Variants in WWOX observed in about 807,000 individuals in gnomAD.
WWOX encodes WW domain-containing oxidoreductase.
In WWOX, 69 loss-of-function variants were observed where a neutral mutation model predicts 46.2. The ratio of observed to expected loss-of-function variants is 1.49; its 90% CI spans 1.23 to 1.82. The LOEUF is 1.82. Ranked by LOEUF, WWOX falls within the 40% of genes most tolerant of loss-of-function variation. The probability of loss-of-function intolerance (pLI) is 0.00; values close to 1 mark genes in which losing one functional copy is unlikely to be tolerated. For synonymous variants in WWOX, 359 were observed against 202.6 expected (o/e 1.77, Z -6.56); for missense variants, 919 against 542.6 (o/e 1.69, Z -6.89).
At position 78,532,198 on chromosome 16, in the gene WWOX, T is replaced by A. The variant is rs116352031; in HGVS notation, c.1056+99446T>A. On this transcript the variant is annotated intron_variant, in intron 8 of 8. Coordinates refer to ENST00000566780, the MANE Select transcript of WWOX (RefSeq NM_016373.4). ...TTTCTGTTATAAAATCATGTTTTTA[T>A]TGAATTACATTTTAATATTGGTATC... Among the ~76,000 whole-genome samples the A allele has an allele frequency of 1.9e-3, 291 of 152,272 alleles. 2 individuals are homozygous for A. Among genetic ancestry groups the A allele is most frequent in the African/African-American group, 6.4e-3 (265 of 41,558 alleles).
chr16:78,419,194 T>C (rs888870954), intron 6 of WWOX, among the ~76,000 whole-genome samples: 5 of 152,194 alleles, frequency 3.3e-5, no homozygotes, highest in Non-Finnish European at 5.9e-5. Flanking sequence ...AGATTTAATA[T>C]TGTATAGCTG....
chr16:79,125,581 A>G (rs549675410), intron 8 of WWOX, among the ~76,000 whole-genome samples: 1 of 151,784 alleles, frequency 6.6e-6, no homozygotes, highest in South Asian at 2.1e-4. Context: ...CCGTGTGGCA[A>G]ATGTAGCTGG....
At chr16:79,138,625 C>A (rs1010571731) in intron 8 of WWOX, among the ~76,000 whole-genome samples, 2 of 152,148 alleles carry the variant, frequency 1.3e-5, no homozygotes, top group Non-Finnish European at 2.9e-5. Context: ...AGGGATGCAC[C>A]TTTTTAACCC....
chr16:79,065,422 G>A (rs1360871380), intron 8 of WWOX, among the ~76,000 whole-genome samples: 2 of 152,182 alleles, frequency 1.3e-5, no homozygotes, highest in African/African-American at 4.8e-5. Flanking sequence ...TGATTGGTTG[G>A]GGATGAAATC....
intron 8 of WWOX, among the ~76,000 whole-genome samples, chr16:79,052,280 A>G (rs1270808261): frequency 1.3e-5 from 2 of 151,598 alleles, no homozygotes; most frequent in African/African-American, 2.4e-5. Flanking sequence ...ATGAGTGAGA[A>G]TATGCGTTGT....
chr16:78,665,689 C>T (rs1168800285), intron 8 of WWOX, among the ~76,000 whole-genome samples: 2 of 152,020 alleles, frequency 1.3e-5, no homozygotes, highest in African/African-American at 2.4e-5. Flanking sequence ...ATTAATTGTG[C>T]TTCTCTGATG....
chr16:78,939,121 C>A (rs1038146242), intron 8 of WWOX, among the ~76,000 whole-genome samples: 4 of 152,158 alleles, frequency 2.6e-5, no homozygotes, highest in African/African-American at 9.7e-5. Context: ...GATTTTCTGC[C>A]CATTGACTTG....
intron 8 of WWOX, among the ~76,000 whole-genome samples, chr16:78,543,921 A>T (rs1310364283): frequency 6.6e-6 from 1 of 152,132 alleles, no homozygotes; most frequent in Admixed American, 6.5e-5. Context: ...CTAACATCTC[A>T]ACAGCCTGCC....
intron 8 of WWOX, among the ~76,000 whole-genome samples, chr16:78,642,168 A>G (rs141067130): frequency 9.1e-4 from 139 of 152,324 alleles, no homozygotes; most frequent in Non-Finnish European, 1.6e-3. Flanking sequence ...ATATACTTGA[A>G]TTGGAATCCC....
intron 8 of WWOX, among the ~76,000 whole-genome samples, chr16:78,613,959 C>G (rs889000573): frequency 3.9e-5 from 6 of 152,172 alleles, no homozygotes; most frequent in Non-Finnish European, 5.9e-5. Context: ...TTACGTACTG[C>G]GATGGCTGCT....
At chr16:78,897,240 T>TAAAAAAAAAAAA (rs60048933) in intron 8 of WWOX, 1 of 53,722 alleles carries the variant, frequency 1.9e-5, no homozygotes, top group African/African-American at 8.7e-5. Flanking sequence ...AGACTGTCTT[T>TAAAAAAAAAAAA]AAAAAAAAAA....
intron 5 of WWOX, among the ~76,000 whole-genome samples, chr16:78,214,654 C>T (rs1280692745): frequency 6.6e-6 from 1 of 152,148 alleles, no homozygotes; most frequent in Non-Finnish European, 1.5e-5. Flanking sequence ...GTTGCTAAGC[C>T]TGCTAAAAGC....
rs193181137 is a variant in WWOX at position 79,071,408 on chromosome 16, G to A, written c.1057-140200G>A. Among the ~76,000 whole-genome samples, 424 of 152,284 alleles carry A rather than the reference G, an allele frequency of 2.8e-3. 5 individuals are homozygous for A. Among genetic ancestry groups the A allele is most frequent in the Admixed American group, 0.017 (259 of 15,302 alleles). ...GTGTGAAATACAGAAGGGGTTGTGC[G>A]TTTCTTCCCCCCTCATCTCTTAGAG... On this transcript the variant is annotated intron_variant, in intron 8 of 8. Transcript: ENST00000566780.
chr16:78,334,651 G>T (rs980000096), intron 5 of WWOX, among the ~76,000 whole-genome samples: 1 of 151,884 alleles, frequency 6.6e-6, no homozygotes, highest in Non-Finnish European at 1.5e-5. Flanking sequence ...ATAAATCCAA[G>T]AATTAATTTA....
intron 8 of WWOX, among the ~76,000 whole-genome samples, chr16:79,060,655 T>A (rs1461190523): frequency 6.6e-6 from 1 of 152,234 alleles, no homozygotes; most frequent in African/African-American, 2.4e-5. Context: ...CTAGTCTCAT[T>A]TTGTAAACCC....
intron 8 of WWOX, among the ~76,000 whole-genome samples, chr16:78,780,043 T>C (rs2050285606): frequency 6.6e-6 from 1 of 152,182 alleles, no homozygotes; most frequent in Admixed American, 6.5e-5. Context: ...AGAAGCCATA[T>C]GGATACTTTT....
At chr16:78,882,951 G>A (rs911831741) in intron 8 of WWOX, among the ~76,000 whole-genome samples, 15 of 152,150 alleles carry the variant, frequency 9.9e-5, no homozygotes, top group African/African-American at 3.6e-4. Flanking sequence ...CGATGTCGTA[G>A]GCTGAGGGAG....
chr16:78,177,023 A>G (rs560274066), intron 5 of WWOX, among the ~76,000 whole-genome samples: 3 of 152,336 alleles, frequency 2.0e-5, no homozygotes, highest in South Asian at 4.1e-4. Context: ...GCCCCACCCC[A>G]GACCTACTAG....
At chr16:78,933,956 C>T (rs1009790963) in intron 8 of WWOX, among the ~76,000 whole-genome samples, 1 of 152,032 alleles carries the variant, frequency 6.6e-6, no homozygotes, top group African/African-American at 2.4e-5. Flanking sequence ...CTTTGGGAGG[C>T]CAAGGTGGGA....
Sources: allele counts gnomAD v4.1 joint callset (sites outside exome capture counted in the v4.1 genomes callset), GRCh38; gene constraint gnomAD v4.1.1; transcripts MANE v1.5; gene names NCBI Gene and HGNC (gene_info 2026-07-23, HGNC 2026-07-21).